CHN1: variants seen among roughly 807,000 people sequenced by gnomAD.
CHN1 encodes the protein N-chimaerin.
In CHN1, 37 loss-of-function variants were observed where a neutral mutation model predicts 59.5. That is an observed-to-expected ratio of 0.62 (90% CI 0.48 to 0.82). The LOEUF is 0.82. Among genes scored for constraint, CHN1 ranks in the 40% least tolerant of loss-of-function variants. The pLI is 0.00. For missense variants in CHN1, 469 were observed against 571.0 expected, an observed-to-expected ratio of 0.82 and a Z score of 1.82; for synonymous variants, 206 against 200.4, an observed-to-expected ratio of 1.03 and a Z score of -0.24.
At chr2:174,807,387 G>A (rs1022998327) in intron 11 of CHN1, among the ~76,000 whole-genome samples, 3 of 151,784 alleles carry the variant, frequency 2.0e-5, no homozygotes, top group African/African-American at 7.3e-5. Flanking sequence ...CACTTTCAGT[G>A]GGATCGGAGT....
At chr2:174,838,978 C>T (rs1686191416) in intron 7 of CHN1, among the ~76,000 whole-genome samples, 1 of 151,162 alleles carries the variant, frequency 6.6e-6, no homozygotes, top group Non-Finnish European at 1.5e-5. Context: ...GATTGTGCCA[C>T]TGCACTCCAG....
At chr2:174,931,236 T>C (rs1373226231) in intron 3 of CHN1, among the ~76,000 whole-genome samples, 1 of 152,262 alleles carries the variant, frequency 6.6e-6, no homozygotes, top group East Asian at 1.9e-4. Flanking sequence ...AATGCTTCTA[T>C]CTGCAAAGCA....
chr2:174,869,504 G>A (rs1339418696), intron 6 of CHN1, among the ~76,000 whole-genome samples: 2 of 119,520 alleles, frequency 1.7e-5, no homozygotes, highest in African/African-American at 7.2e-5. Flanking sequence ...GAAATCCTGG[G>A]GTCTGGGTGG....
At chr2:174,931,687 A>G (rs944131727) in intron 3 of CHN1, among the ~76,000 whole-genome samples, 2 of 152,254 alleles carry the variant, frequency 1.3e-5, no homozygotes, top group Non-Finnish European at 1.5e-5. Flanking sequence ...TGTTGTGAAG[A>G]CAAGACAAAG....
At chr2:174,838,075 A>C (rs1377594572) in intron 7 of CHN1, among the ~76,000 whole-genome samples, 1 of 152,122 alleles carries the variant, frequency 6.6e-6, no homozygotes, top group Non-Finnish European at 1.5e-5. Flanking sequence ...TCCTACTAAC[A>C]GTCATGGTAA....
At chr2:174,908,671 A>G (rs1459363573) in intron 5 of CHN1, among the ~76,000 whole-genome samples, 3 of 152,150 alleles carry the variant, frequency 2.0e-5, no homozygotes, top group Non-Finnish European at 4.4e-5. Context: ...GCTAGCTTCA[A>G]TGTCTTCTTT....
chr2:174,903,646 C>T (rs1037235683), intron 5 of CHN1, among the ~76,000 whole-genome samples: 1 of 152,046 alleles, frequency 6.6e-6, no homozygotes, highest in Admixed American at 6.5e-5. Context: ...ATAAATTACA[C>T]AGATGCAAAT....
At chr2:174,828,792 C>T (rs1295526296) in intron 7 of CHN1, among the ~76,000 whole-genome samples, 1 of 152,184 alleles carries the variant, frequency 6.6e-6, no homozygotes, top group Non-Finnish European at 1.5e-5. Context: ...ACAAGGGGTG[C>T]AAGGGCTTGG....
At chr2:174,907,647 C>T (rs1574151528) in intron 5 of CHN1, among the ~76,000 whole-genome samples, 2 of 132,416 alleles carry the variant, frequency 1.5e-5, no homozygotes, top group Non-Finnish European at 3.2e-5. Flanking sequence ...TAAAATGATA[C>T]ATGTGCACTG....
intron 3 of CHN1, among the ~76,000 whole-genome samples, chr2:174,928,332 C>A (rs938899555): frequency 4.6e-5 from 7 of 152,108 alleles, no homozygotes; most frequent in African/African-American, 1.4e-4. Flanking sequence ...ATAAATTATT[C>A]ATCATATTAA....
At chr2:174,948,209 A>G (rs1419757109) in intron 2 of CHN1, among the ~76,000 whole-genome samples, 1 of 151,798 alleles carries the variant, frequency 6.6e-6, no homozygotes, top group Non-Finnish European at 1.5e-5. Context: ...TTAAAAAATT[A>G]AGAAACTTAA....
intron 3 of CHN1, among the ~76,000 whole-genome samples, chr2:174,919,430 A>G (rs1688942175): frequency 8.2e-6 from 1 of 121,530 alleles, no homozygotes; most frequent in Non-Finnish European, 1.7e-5. Context: ...TGTTCATAGG[A>G]ACAGCAAAAA....
In CHN1 at chr2:174,917,413, G is replaced by A. The variant is rs541900869; in HGVS notation, c.146+1121C>T. On this transcript the variant is annotated intron_variant, in intron 4 of 12. Coordinates refer to ENST00000409900, the MANE Select transcript of CHN1 (RefSeq NM_001822.7). ...CGCACCATTGCACTCCAGCCTGGGC[G>A]ACAAAAGCGAAACTCCATCTTAAAA... Among the ~76,000 whole-genome samples the A allele has an allele frequency of 1.8e-4, 27 of 151,288 alleles. No individual in the cohort carries two copies. The South Asian group carries it at 3.6e-3, about 20-fold the overall frequency.
chr2:174,955,157 T>TA (rs1558996507), intron 1 of CHN1, among the ~76,000 whole-genome samples: 3 of 112,204 alleles, frequency 2.7e-5, no homozygotes, highest in African/African-American at 8.6e-5. Flanking sequence ...TATATATCTA[T>TA]GTCTATATAT....
At chr2:174,870,255 T>C (rs1687364509) in intron 6 of CHN1, among the ~76,000 whole-genome samples, 2 of 152,222 alleles carry the variant, frequency 1.3e-5, no homozygotes, top group Admixed American at 6.5e-5. Flanking sequence ...CCATTATAGC[T>C]GCCTATAATT....
intron 1 of CHN1, among the ~76,000 whole-genome samples, chr2:175,000,102 T>C (rs1375200771): frequency 6.6e-6 from 1 of 151,724 alleles, no homozygotes; most frequent in African/African-American, 2.4e-5. Flanking sequence ...AGCTAAAATA[T>C]TAGAACCACA....
chr2:174,932,984 C>T (rs1689393857), intron 3 of CHN1, among the ~76,000 whole-genome samples: 1 of 152,116 alleles, frequency 6.6e-6, no homozygotes, highest in Non-Finnish European at 1.5e-5. Context: ...CAAAGATAGA[C>T]CCAATATGAC....
At chr2:174,976,585 C>G (rs1448671180) in intron 1 of CHN1, among the ~76,000 whole-genome samples, 1 of 152,118 alleles carries the variant, frequency 6.6e-6, no homozygotes, top group African/African-American at 2.4e-5. Flanking sequence ...AATCAAGATT[C>G]CAGACTTCAA....
intron 5 of CHN1, among the ~76,000 whole-genome samples, chr2:174,900,475 A>C (rs1390886779): frequency 1.3e-5 from 2 of 152,062 alleles, no homozygotes; most frequent in Non-Finnish European, 2.9e-5. Context: ...CAGGCTAGAC[A>C]ACAGAGCAAG....
Sources: allele counts gnomAD v4.1 joint callset (sites outside exome capture counted in the v4.1 genomes callset), GRCh38; gene constraint gnomAD v4.1.1; transcripts MANE v1.5; gene names NCBI Gene and HGNC (gene_info 2026-07-23, HGNC 2026-07-21).